Variants in ING5 observed in about 807,000 individuals in gnomAD.
The protein encoded by ING5 is inhibitor of growth protein 5.
Under a neutral mutation model 37.4 loss-of-function variants are expected in ING5, and 17 were observed. That is an observed-to-expected ratio of 0.45 (90% CI 0.31 to 0.68). The LOEUF (loss-of-function observed/expected upper bound fraction) is 0.68, where lower values mean the gene tolerates loss of function less well. ING5 is among the 30% of genes least tolerant of loss of function. The pLI, the probability that ING5 is intolerant of heterozygous loss-of-function variation, is 0.05. For missense variants in ING5, 233 were observed against 311.9 expected, an observed-to-expected ratio of 0.75 and a Z score of 1.91; for synonymous variants, 123 against 116.6, an observed-to-expected ratio of 1.06 and a Z score of -0.36.
At chr2:241,699,147 C>T (rs149690019), upstream of ING5, among the ~76,000 whole-genome samples, 229 of 152,046 alleles carry the variant, frequency 1.5e-3, 1 homozygote, top group African/African-American at 5.4e-3. Flanking sequence ...GCCTCAGGCT[C>T]CCGAGCAGCT....
intron 2 of ING5, chr2:241,708,946 G>A (rs529914201): frequency 3.2e-6 from 1 of 309,382 alleles, no homozygotes; most frequent in Admixed American, 5.0e-5. Context: ...ATGTTTGAGA[G>A]TCGAAGAAGG....
In ING5 at chr2:241,711,476, C is replaced by T; in HGVS notation, c.376C>T (p.Arg126Ter). ...CAGTGATTTTGAAAGCTCCGGAGGG[C>T]GAGGGTTAAAAAGCAAGTCTGTTAA... ...EGSDFESSGG[R>*]GLKKGRGQKE... The change falls in exon 4 of 8, where the codon CGA becomes TGA. Residue 126 changes from arginine to a stop codon, truncating the protein, a stop_gained. Coordinates refer to ENST00000313552, the MANE Select transcript of ING5 (RefSeq NM_032329.6). LOFTEE classifies it high-confidence loss of function. 3 of 1,597,988 alleles carry T rather than the reference C, an allele frequency of 1.9e-6. No individual in the cohort carries two copies. Among genetic ancestry groups the T allele is most frequent in the Non-Finnish European group, 2.6e-6 (3 of 1,173,982 alleles).
chr2:241,704,579 G>A, intron 1 of ING5, 74 bp from the exon 2 acceptor site: 3 of 1,221,316 alleles, frequency 2.5e-6, no homozygotes, highest in Non-Finnish European at 3.6e-6. Context: ...AAAAAAAAAA[G>A]ACAGAAAACC....
Position 241,725,632 on chromosome 2 carries a change from A to G in ING5, c.*601A>G, listed in dbSNP as rs548315201. 90 of 152,644 alleles carry G rather than the reference A, an allele frequency of 5.9e-4. No homozygotes were observed. The highest frequency in any genetic ancestry group is 2.0e-3 in the African/African-American group (85 of 41,570). The allele number at this position is 152,644 out of a possible 1,614,324, so 9.5% of individuals were successfully genotyped here. A position where few individuals can be genotyped will look rare whatever the true frequency, so the allele number is the denominator to read the frequency against. On this transcript the variant is annotated 3_prime_UTR_variant, in exon 8 of 8. Transcript: ENST00000313552. Reference sequence around the variant, plus strand: ...TCCGCTTCGCTGGCGCCGCCTTTTTAGCTTGGACTTCAGTCCTCCCTCGGG... The same window carrying G: ...TCCGCTTCGCTGGCGCCGCCTTTTTGGCTTGGACTTCAGTCCTCCCTCGGG...
chr2:241,700,401 C>A (rs983588857), upstream of ING5, among the ~76,000 whole-genome samples: 24 of 151,984 alleles, frequency 1.6e-4, no homozygotes, highest in East Asian at 4.6e-3. Context: ...TCGTGATCCT[C>A]CCGCCTTGGC....
intron 7 of ING5, chr2:241,723,719 A>G: frequency 1.3e-6 from 2 of 1,581,480 alleles, no homozygotes; most frequent in Non-Finnish European, 1.7e-6. Context: ...TCTAGTGGAG[A>G]AGGGTGTGTT....
chr2:241,702,063 A>T lies in ING5; in HGVS notation c.-3A>T. 1 of 1,387,218 alleles carries T rather than the reference A, an allele frequency of 7.2e-7. No individual in the cohort carries two copies. Among genetic ancestry groups the T allele is most frequent in the Non-Finnish European group, 9.4e-7 (1 of 1,065,632 alleles). 85.9% of individuals were successfully genotyped at this position (1,387,218 alleles called of 1,614,324 possible). On this transcript the variant is annotated 5_prime_UTR_variant, in exon 1 of 8. Transcript: ENST00000313552. ...CAGACCCCGAGCGCGGCCGCGGACG[A>T]AGATGGCGACCGCCATGTACTTGGA...
chr2:241,724,424 C>T (rs994099968), intron 7 of ING5, among the ~76,000 whole-genome samples: 2 of 151,956 alleles, frequency 1.3e-5, no homozygotes, highest in Non-Finnish European at 2.9e-5. Context: ...CGGTGGTTGA[C>T]GGTTGCCGTC....
At position 241,724,973 on chromosome 2, in the gene ING5, G is replaced by A. The variant is rs1385848393; in HGVS notation, c.681-16G>A. ...GAAATGGCGCCCAGGGCCTCACTGC[G>A]CCTTTCTTGTCACAGGTTCTGTCCA... On this transcript the variant is annotated splice_polypyrimidine_tract_variant and intron_variant, in intron 7 of 7. Coordinates refer to ENST00000313552, the MANE Select transcript of ING5 (RefSeq NM_032329.6). 8.1e-6 allele frequency: 13 copies of A among 1,613,774 alleles called. No individual in the cohort carries two copies. The highest frequency in any genetic ancestry group is 1.6e-4 in the Middle Eastern group (1 of 6,074).
chr2:241,703,693 C>T lies in ING5; in HGVS notation c.38-960C>T, dbSNP rs145072111. Reference sequence around the variant, plus strand: ...TGATCTCAGCACACTGCAACCTCCACCTCCCAGGTTCAAGCAATTCTCATG... The same window carrying T: ...TGATCTCAGCACACTGCAACCTCCATCTCCCAGGTTCAAGCAATTCTCATG... On this transcript the variant is annotated intron_variant, in intron 1 of 7. Coordinates refer to ENST00000313552, the MANE Select transcript of ING5 (RefSeq NM_032329.6). Among the ~76,000 whole-genome samples the T allele has an allele frequency of 1.2e-3, 176 of 152,160 alleles. 1 individual carries two copies. The highest frequency in any genetic ancestry group is 4.2e-3 in the African/African-American group (173 of 41,470).
upstream of ING5, among the ~76,000 whole-genome samples, chr2:241,701,649 G>C (rs894648966): frequency 5.9e-5 from 9 of 152,178 alleles, no homozygotes; most frequent in Non-Finnish European, 8.8e-5. Flanking sequence ...CGGCCTGTCC[G>C]GGACCCGGCC....
At chr2:241,713,480 C>A (rs947423695) in intron 5 of ING5, among the ~76,000 whole-genome samples, 7 of 150,216 alleles carry the variant, frequency 4.7e-5, no homozygotes, top group African/African-American at 1.5e-4. Flanking sequence ...AAGCAGTTCT[C>A]CTGCCTGAGC....
At chr2:241,689,026 C>T (rs1038961253) in intron 1 of ING5, among the ~76,000 whole-genome samples, 1 of 152,150 alleles carries the variant, frequency 6.6e-6, no homozygotes, top group Non-Finnish European at 1.5e-5. Flanking sequence ...TGGTCTCGAT[C>T]TCCTGACCTC....
intron 2 of ING5, among the ~76,000 whole-genome samples, chr2:241,693,652 CT>C (rs1185556171): frequency 0.089 from 6,959 of 77,928 alleles, 61 homozygotes; most frequent in South Asian, 0.12. Flanking sequence ...AAATACAACT[CT>C]TTTTTTTTTT....
chr2:241,721,543 C>G, intron 5 of ING5: 1 of 985,398 alleles, frequency 1.0e-6, no homozygotes, highest in Non-Finnish European at 1.2e-6. Context: ...AGACAGGTAT[C>G]CAAGGAAAAG....
intron 2 of ING5, among the ~76,000 whole-genome samples, chr2:241,708,185 C>G (rs560971987): frequency 6.6e-6 from 1 of 151,760 alleles, no homozygotes; most frequent in African/African-American, 2.4e-5. Context: ...CGTGAGCCGC[C>G]GTGCATGGCC....
chr2:241,714,172 C>T (rs1466559158), intron 5 of ING5, among the ~76,000 whole-genome samples: 1 of 152,110 alleles, frequency 6.6e-6, no homozygotes, highest in Admixed American at 6.5e-5. Context: ...TCATAAACTC[C>T]TCCTGCCCCC....
intron 5 of ING5, 92 bp from the exon 6 acceptor site, chr2:241,722,847 G>A (rs1364255864): frequency 7.0e-6 from 11 of 1,570,350 alleles, no homozygotes; most frequent in Non-Finnish European, 8.6e-6. Flanking sequence ...GGGTGAGGGG[G>A]CCTTAAGTCA....
chr2:241,729,408 A>G lies in ING5; in HGVS notation c.*4377A>G, dbSNP rs1018546371. The G allele has an allele frequency of 6.5e-6, 1 of 152,672 alleles. No individual in the cohort carries two copies. The highest frequency in any genetic ancestry group is 2.4e-5 in the African/African-American group (1 of 41,454). 9.5% of individuals were successfully genotyped at this position (152,672 alleles called of 1,614,324 possible). On this transcript the variant is annotated 3_prime_UTR_variant, in exon 8 of 8. Transcript: ENST00000313552. ...TTTATTAGATAATGTAAAGATGTAT[A>G]TCAGTATTTTTGGATCATGTTATAG...
Sources: allele counts gnomAD v4.1 joint callset (sites outside exome capture counted in the v4.1 genomes callset), GRCh38; gene constraint gnomAD v4.1.1; transcripts MANE v1.5; gene names NCBI Gene and HGNC (gene_info 2026-07-23, HGNC 2026-07-21).